ZNF385D: variants seen among roughly 807,000 people sequenced by gnomAD.
ZNF385D encodes zinc finger protein 659.
ZNF385D carries 15 observed loss-of-function variants against 35.8 expected under a neutral mutation model. The observed-to-expected ratio is 0.42, with a 90% confidence interval of 0.28 to 0.64. ZNF385D has a LOEUF of 0.64. Ranked by LOEUF, ZNF385D falls within the 30% of genes least tolerant of loss-of-function variation. The probability of loss-of-function intolerance (pLI) is 0.23; values close to 1 mark genes in which losing one functional copy is unlikely to be tolerated. For synonymous variants in ZNF385D, 212 were observed against 186.8 expected (o/e 1.13, Z -1.10); for missense variants, 474 against 494.6 (o/e 0.96, Z 0.39).
intron 3 of ZNF385D, among the ~76,000 whole-genome samples, chr3:22,046,708 C>A (rs192162621): frequency 1.5e-3 from 229 of 152,206 alleles, no homozygotes; most frequent in African/African-American, 5.2e-3. Context: ...AAGTTAGATT[C>A]TCACTAAACT....
chr3:21,528,070 C>T (rs1007020182), intron 3 of ZNF385D, among the ~76,000 whole-genome samples: 1 of 152,076 alleles, frequency 6.6e-6, no homozygotes, highest in African/African-American at 2.4e-5. Context: ...ACGACAGAGG[C>T]GAGATTTGAA....
intron 3 of ZNF385D, among the ~76,000 whole-genome samples, chr3:22,034,799 G>C (rs1016684210): frequency 1.2e-4 from 18 of 152,052 alleles, no homozygotes; most frequent in Non-Finnish European, 2.2e-4. Context: ...GCAATAATGA[G>C]AGAAAATATT....
intron 2 of ZNF385D, among the ~76,000 whole-genome samples, chr3:22,278,159 A>G (rs1701529362): frequency 6.6e-6 from 1 of 152,118 alleles, no homozygotes; most frequent in East Asian, 1.9e-4. Context: ...CATGGCCTAC[A>G]ACAGTATCAA....
chr3:21,952,512 G>A (rs1009982948), intron 3 of ZNF385D, among the ~76,000 whole-genome samples: 1 of 151,854 alleles, frequency 6.6e-6, no homozygotes, highest in Non-Finnish European at 1.5e-5. Flanking sequence ...CAAATGGCCT[G>A]GGTTTAAGTC....
chr3:21,538,763 G>A (rs182216099), intron 3 of ZNF385D, among the ~76,000 whole-genome samples: 3 of 152,196 alleles, frequency 2.0e-5, no homozygotes, highest in East Asian at 1.9e-4. Flanking sequence ...GGGCATGGAG[G>A]GGGGAAAGGG....
chr3:21,988,616 C>CT (rs984822515), intron 3 of ZNF385D, among the ~76,000 whole-genome samples: 3 of 146,748 alleles, frequency 2.0e-5, no homozygotes, highest in African/African-American at 7.4e-5. Flanking sequence ...TTACTGCTGT[C>CT]TTTTTGTTTG....
intron 3 of ZNF385D, among the ~76,000 whole-genome samples, chr3:21,947,512 G>A (rs1456381283): frequency 2.0e-5 from 3 of 152,010 alleles, no homozygotes; most frequent in Non-Finnish European, 4.4e-5. Context: ...CACCATGCCT[G>A]GCTAATTTTT....
At chr3:21,703,980 A>G (rs1323872805) in intron 1 of ZNF385D, among the ~76,000 whole-genome samples, 1 of 152,204 alleles carries the variant, frequency 6.6e-6, no homozygotes, top group Non-Finnish European at 1.5e-5. Context: ...CTATAGGTTG[A>G]TGTTGCTTTG....
intron 2 of ZNF385D, among the ~76,000 whole-genome samples, chr3:22,344,440 A>C (rs183372894): frequency 6.6e-6 from 1 of 152,256 alleles, no homozygotes; most frequent in Non-Finnish European, 1.5e-5. Context: ...CCCAAGCTAG[A>C]GTGCAGTGAT....
At chr3:22,319,574 T>C (rs890166957) in intron 2 of ZNF385D, among the ~76,000 whole-genome samples, 1 of 152,146 alleles carries the variant, frequency 6.6e-6, no homozygotes, top group Non-Finnish European at 1.5e-5. Flanking sequence ...TTAAAATGCA[T>C]ACAGAGCTAG....
chr3:22,161,333 T>C (rs964474681), intron 3 of ZNF385D, among the ~76,000 whole-genome samples: 1 of 152,122 alleles, frequency 6.6e-6, no homozygotes, highest in African/African-American at 2.4e-5. Context: ...AATATTTTTA[T>C]AGAATGTTGG....
chr3:21,546,651 G>T (rs1243255170), intron 3 of ZNF385D, among the ~76,000 whole-genome samples: 1 of 151,838 alleles, frequency 6.6e-6, no homozygotes, highest in Non-Finnish European at 1.5e-5. Context: ...GGCAAGCAGA[G>T]GTTAAAAGGC....
chr3:22,033,540 C>T (rs866930109), intron 3 of ZNF385D, among the ~76,000 whole-genome samples: 5 of 151,402 alleles, frequency 3.3e-5, no homozygotes, highest in Admixed American at 2.0e-4. Context: ...TAAATTTCAC[C>T]GAAATTATGA....
At chr3:22,298,521 A>G (rs576530953) in intron 2 of ZNF385D, among the ~76,000 whole-genome samples, 4 of 145,312 alleles carry the variant, frequency 2.8e-5, no homozygotes, top group Admixed American at 1.4e-4. Context: ...ACATTTATAT[A>G]TAATATATAT....
chr3:21,812,101 G>T (rs2072946305), intron 3 of ZNF385D, among the ~76,000 whole-genome samples: 1 of 151,746 alleles, frequency 6.6e-6, no homozygotes, highest in East Asian at 1.9e-4. Flanking sequence ...CCACCAAAAA[G>T]ATATAATTGG....
intron 4 of ZNF385D, among the ~76,000 whole-genome samples, chr3:21,449,291 A>T (rs1702328792): frequency 6.6e-6 from 1 of 151,832 alleles, no homozygotes; most frequent in African/African-American, 2.4e-5. Flanking sequence ...AAAAAAAAAA[A>T]TAGAAATCTA....
At chr3:22,121,208 G>A (rs1703072947) in intron 3 of ZNF385D, among the ~76,000 whole-genome samples, 1 of 152,070 alleles carries the variant, frequency 6.6e-6, no homozygotes, top group Non-Finnish European at 1.5e-5. Flanking sequence ...AACACTCACT[G>A]TCTTAGCGAT....
intron 3 of ZNF385D, among the ~76,000 whole-genome samples, chr3:21,976,043 C>G (rs980810081): frequency 6.6e-6 from 1 of 152,098 alleles, no homozygotes; most frequent in Non-Finnish European, 1.5e-5. Context: ...AACACTCAGG[C>G]TCTAACTGGG....
intron 3 of ZNF385D, among the ~76,000 whole-genome samples, chr3:21,789,162 G>C (rs1274599910): frequency 6.6e-6 from 1 of 152,074 alleles, no homozygotes; most frequent in African/African-American, 2.4e-5. Context: ...TGGATTCAAA[G>C]GCATAATAAA....
Sources: gnomAD v4.1 joint callset for allele counts (sites outside exome capture counted in the v4.1 genomes callset) on GRCh38, gnomAD v4.1.1 for gene constraint, MANE v1.5 for transcripts, NCBI Gene and HGNC (gene_info 2026-07-23, HGNC 2026-07-21) for gene names.